Variants in PKIA observed in about 807,000 individuals in gnomAD.
The protein encoded by PKIA is PKI-alpha.
In PKIA, 4 loss-of-function variants were observed where a neutral mutation model predicts 7.6. That is an observed-to-expected ratio of 0.52 (90% CI 0.26 to 1.20). The LOEUF (loss-of-function observed/expected upper bound fraction) is 1.20. PKIA is among the 50% of genes most tolerant of loss of function. The pLI, the probability that PKIA is intolerant of heterozygous loss-of-function variation, is 0.13. For synonymous variants in PKIA, 21 were observed against 30.7 expected, an observed-to-expected ratio of 0.68 and a Z score of 1.04; for missense variants, 73 against 86.2, an observed-to-expected ratio of 0.85 and a Z score of 0.61.
At chr8:78,540,710 T>A (rs191022409) in intron 1 of PKIA, among the ~76,000 whole-genome samples, 21 of 138,266 alleles carry the variant, frequency 1.5e-4, no homozygotes, top group African/African-American at 5.0e-4. Context: ...TTTTCGCAAA[T>A]TTTTTTTTTT....
At chr8:78,596,300 C>T (rs1808225223) in intron 2 of PKIA, among the ~76,000 whole-genome samples, 1 of 152,062 alleles carries the variant, frequency 6.6e-6, no homozygotes, top group African/African-American at 2.4e-5. Context: ...GTGCAATGGG[C>T]GTGATCTCAC....
chr8:78,577,016 A>G (rs1303061952), intron 2 of PKIA, among the ~76,000 whole-genome samples: 2 of 151,994 alleles, frequency 1.3e-5, no homozygotes, highest in African/African-American at 4.8e-5. Context: ...AAAGAATGAG[A>G]TAATGTCTTT....
At chr8:78,521,575 T>C (rs1161262920) in intron 1 of PKIA, among the ~76,000 whole-genome samples, 1 of 151,980 alleles carries the variant, frequency 6.6e-6, no homozygotes, top group Non-Finnish European at 1.5e-5. Context: ...TTACCTTCTT[T>C]ACATTTCCCA....
At chr8:78,562,884 T>C (rs114406108) in intron 1 of PKIA, among the ~76,000 whole-genome samples, 1,508 of 150,538 alleles carry the variant, frequency 0.01, 32 homozygotes, top group African/African-American at 0.035. Context: ...GCTCAGGAAA[T>C]GAGTGTTGAA....
rs570917596 is a variant in PKIA, at chr8:78,594,874, C to T, written c.-27-3484C>T. Among the ~76,000 whole-genome samples, 5 of 152,248 alleles carry T rather than the reference C, an allele frequency of 3.3e-5. No homozygotes were observed. In the East Asian group the frequency reaches 7.7e-4, roughly 23 times the overall value. ...TTTAGAGAATTTGTAACAGATGTCCCGTATCTTCTCAGAGGAAGATGCAGA... is the reference window on the plus strand; with the variant it reads ...TTTAGAGAATTTGTAACAGATGTCCTGTATCTTCTCAGAGGAAGATGCAGA... On this transcript the variant is annotated intron_variant, in intron 2 of 3. Transcript: ENST00000396418.
chr8:78,527,333 C>G (rs148075130), intron 1 of PKIA, among the ~76,000 whole-genome samples: 117 of 152,052 alleles, frequency 7.7e-4, no homozygotes, highest in African/African-American at 2.8e-3. Context: ...TACAAGTATA[C>G]ACATATATTA....
At chr8:78,519,179 T>TAAA (rs368638245) in intron 1 of PKIA, among the ~76,000 whole-genome samples, 64 of 135,072 alleles carry the variant, frequency 4.7e-4, no homozygotes, top group African/African-American at 1.6e-3. Flanking sequence ...TCCAATTGTG[T>TAAA]AAAAAAAAAA....
At chr8:78,599,630 A>G (rs773912382) in intron 3 of PKIA, among the ~76,000 whole-genome samples, 5 of 152,032 alleles carry the variant, frequency 3.3e-5, no homozygotes, top group Non-Finnish European at 5.9e-5. Context: ...CTTAGGTTTC[A>G]TTGTTGTGCT....
intron 2 of PKIA, among the ~76,000 whole-genome samples, chr8:78,573,256 T>A (rs1322529331): frequency 2.6e-5 from 4 of 152,068 alleles, no homozygotes; most frequent in African/African-American, 9.7e-5. Flanking sequence ...TTAAAACAAA[T>A]CATTTTCGTG....
At chr8:78,595,630 T>C (rs886506496) in intron 2 of PKIA, among the ~76,000 whole-genome samples, 4 of 152,182 alleles carry the variant, frequency 2.6e-5, no homozygotes, top group Non-Finnish European at 4.4e-5. Context: ...TTCCCTTCTT[T>C]GTGTCCATTT....
At position 78,516,359 on chromosome 8, in the gene PKIA, G is replaced by A. The variant is rs1209994500; in HGVS notation, c.-266G>A. 6.6e-6 allele frequency: 1 copy of A among 152,394 alleles called. No individual in the cohort carries two copies. The highest frequency in any genetic ancestry group is 1.5e-5 in the Non-Finnish European group (1 of 68,230). 9.4% of individuals were successfully genotyped at this position (152,394 alleles called of 1,614,324 possible). ...CGCGGCGGGAGCGGAGGCTGCTGCT[G>A]GCAGGTGGGGCGCGGGCCGGCGCGA... On this transcript the variant is annotated 5_prime_UTR_variant, in exon 1 of 4. Coordinates refer to ENST00000396418, the MANE Select transcript of PKIA (RefSeq NM_006823.4).
At chr8:78,545,094 A>G (rs1228530614) in intron 1 of PKIA, among the ~76,000 whole-genome samples, 1 of 152,178 alleles carries the variant, frequency 6.6e-6, no homozygotes, top group Non-Finnish European at 1.5e-5. Context: ...AAGTAAACAT[A>G]TGCTTCCTTA....
chr8:78,569,218 G>A (rs58418058), intron 1 of PKIA, among the ~76,000 whole-genome samples: 20,185 of 152,036 alleles, frequency 0.13, 1,605 homozygotes, highest in African/African-American at 0.21. Context: ...ACACCAATAG[G>A]ATAGAATTAA....
intron 1 of PKIA, among the ~76,000 whole-genome samples, chr8:78,570,229 G>A (rs1807513410): frequency 1.3e-5 from 2 of 151,974 alleles, no homozygotes; most frequent in Admixed American, 1.3e-4. Flanking sequence ...TTCATGCCGA[G>A]GCACATCATA....
At chr8:78,559,413 A>T (rs916336885) in intron 1 of PKIA, among the ~76,000 whole-genome samples, 3 of 152,214 alleles carry the variant, frequency 2.0e-5, no homozygotes, top group Non-Finnish European at 4.4e-5. Flanking sequence ...TATAGCAGGG[A>T]GATAGCACTA....
chr8:78,580,674 A>T (rs1036757881), intron 2 of PKIA, among the ~76,000 whole-genome samples: 1 of 152,066 alleles, frequency 6.6e-6, no homozygotes, highest in Non-Finnish European at 1.5e-5. Context: ...GGAGAATGTT[A>T]TAATGGGGTA....
chr8:78,592,395 A>T (rs557371462), intron 2 of PKIA, among the ~76,000 whole-genome samples: 1 of 152,254 alleles, frequency 6.6e-6, no homozygotes, highest in African/African-American at 2.4e-5. Flanking sequence ...TTTCTATTAT[A>T]ATAATTATAT....
chr8:78,601,426 A>C (rs1808346078), intron 3 of PKIA, among the ~76,000 whole-genome samples: 1 of 152,050 alleles, frequency 6.6e-6, no homozygotes, highest in South Asian at 2.1e-4. Context: ...GTGAAACTAT[A>C]CCTAAGTGAC....
At chr8:78,589,431 T>TA (rs1289389795) in intron 2 of PKIA, among the ~76,000 whole-genome samples, 4 of 152,214 alleles carry the variant, frequency 2.6e-5, no homozygotes, top group African/African-American at 9.6e-5. Flanking sequence ...TTTAAACATT[T>TA]ACAGGTAAAG....
Sources: allele counts gnomAD v4.1 joint callset (sites outside exome capture counted in the v4.1 genomes callset), GRCh38; gene constraint gnomAD v4.1.1; transcripts MANE v1.5; gene names NCBI Gene and HGNC (gene_info 2026-07-23, HGNC 2026-07-21).